The following ZNF236 variants were observed in gnomAD, a reference collection of about 807,000 sequenced individuals.
ZNF236 encodes regulated by glucose.
A neutral mutation model predicts 191.2 loss-of-function variants in ZNF236; 50 were observed. That is an observed-to-expected ratio of 0.26 (90% CI 0.21 to 0.33). ZNF236 has a LOEUF of 0.33. Among genes scored for constraint, ZNF236 ranks in the 10% least tolerant of loss-of-function variants. ZNF236 has a pLI of 1.00. For synonymous variants in ZNF236, 907 were observed against 928.8 expected (o/e 0.98, Z 0.43); for missense variants, 1,754 against 2,374.5 (o/e 0.74, Z 5.43).
At chr18:76,871,620 T>G in intron 4 of ZNF236, 81 bp from the exon 5 acceptor site, 1 of 1,578,342 alleles carries the variant, frequency 6.3e-7, no homozygotes, top group East Asian at 2.3e-5. Context: ...TCAGCCAAAT[T>G]TTCTGGTAGG....
intron 3 of ZNF236, among the ~76,000 whole-genome samples, chr18:76,861,047 A>G (rs1819873892): frequency 6.6e-6 from 1 of 152,340 alleles, no homozygotes; most frequent in African/African-American, 2.4e-5. Context: ...TGTCACATTC[A>G]GCCACCTGAA....
intron 1 of ZNF236, among the ~76,000 whole-genome samples, chr18:76,831,847 T>C (rs1229726453): frequency 6.6e-6 from 1 of 152,196 alleles, no homozygotes; most frequent in East Asian, 1.9e-4. Context: ...GTGTATCTTC[T>C]TTGGTGAAGG....
At chr18:76,888,578 A>G (rs547898244) in intron 9 of ZNF236, 6 of 152,386 alleles carry the variant, frequency 3.9e-5, no homozygotes, top group Admixed American at 3.3e-4. Context: ...AAGCAGAAAG[A>G]CTTTGTGTCA....
At chr18:76,826,942 G>A (rs911705419) in intron 1 of ZNF236, among the ~76,000 whole-genome samples, 8 of 152,004 alleles carry the variant, frequency 5.3e-5, no homozygotes, top group Non-Finnish European at 1.0e-4. Context: ...CGTTGCCCAG[G>A]CTGCAGTGCA....
intron 27 of ZNF236, among the ~76,000 whole-genome samples, chr18:76,948,194 C>G (rs1420115296): frequency 6.6e-6 from 1 of 152,130 alleles, no homozygotes; most frequent in East Asian, 1.9e-4. Flanking sequence ...TCTAAAATCT[C>G]TTTCCTTAAA....
intron 25 of ZNF236, among the ~76,000 whole-genome samples, 161 bp from the exon 26 acceptor site, chr18:76,936,995 C>T (rs977523336): frequency 8.5e-5 from 13 of 152,208 alleles, no homozygotes; most frequent in African/African-American, 3.1e-4. Flanking sequence ...AAAGCCTTAT[C>T]CTAAAATTAG....
chr18:76,928,045 C>A lies in ZNF236; in HGVS notation c.4533C>A (p.Ala1511=), dbSNP rs372831626. 1.2e-6 allele frequency: 2 copies of A among 1,613,726 alleles called. No homozygotes were observed. The highest frequency in any genetic ancestry group is 1.7e-6 in the Non-Finnish European group (2 of 1,179,840). Residue 1511 remains alanine (A), a synonymous_variant, in exon 25 of 31, where the codon GCC becomes GCA. Coordinates refer to ENST00000320610, the MANE Select transcript of ZNF236 (RefSeq NM_001306089.2). The part of the protein sequence containing the change: ...NSSLSQVLAQ[A]AGPTATSSSG... ...GCCTGAGCCAGGTCCTGGCACAGGC[C>A]GCTGGGCCCACTGCCACGTCTTCCT...
At chr18:76,924,715 C>T (rs1444718629) in intron 21 of ZNF236, among the ~76,000 whole-genome samples, 2 of 152,202 alleles carry the variant, frequency 1.3e-5, no homozygotes, top group African/African-American at 4.8e-5. Flanking sequence ...TAGAACTTTC[C>T]TTTGCATATT....
chr18:76,903,187 A>C (rs151139632), intron 11 of ZNF236, among the ~76,000 whole-genome samples: 20 of 152,246 alleles, frequency 1.3e-4, no homozygotes, highest in Non-Finnish European at 2.4e-4. Context: ...TGGGCTGTCA[A>C]ATTCCCTCCA....
chr18:76,966,103 C>T (rs1208541461), intron 30 of ZNF236, among the ~76,000 whole-genome samples: 1 of 152,148 alleles, frequency 6.6e-6, no homozygotes, highest in Non-Finnish European at 1.5e-5. Context: ...CAGGAGCAAT[C>T]CACTTCCTTC....
intron 1 of ZNF236, chr18:76,834,835 A>T: frequency 2.2e-6 from 1 of 463,094 alleles, no homozygotes; most frequent in Non-Finnish European, 4.3e-6. Context: ...GTGCATTGAA[A>T]TGCCTTTTGT....
At chr18:76,842,946 A>G (rs549866401) in intron 1 of ZNF236, among the ~76,000 whole-genome samples, 10 of 152,316 alleles carry the variant, frequency 6.6e-5, no homozygotes, top group Admixed American at 5.2e-4. Context: ...TTCTCAGTGC[A>G]GGTGCTTTTG....
At chr18:76,893,304 G>A (rs1398268454) in intron 9 of ZNF236, among the ~76,000 whole-genome samples, 1 of 152,042 alleles carries the variant, frequency 6.6e-6, no homozygotes, top group Non-Finnish European at 1.5e-5. Context: ...ATTTTTACCT[G>A]TTAATTTTAA....
In ZNF236 at chr18:76,970,239, A is replaced by G. The variant is rs1006453096; in HGVS notation, c.*1900A>G. 2.6e-5 allele frequency: 4 copies of G among 152,662 alleles called. No individual in the cohort carries two copies. Among genetic ancestry groups the G allele is most frequent in the African/African-American group, 9.6e-5 (4 of 41,456 alleles). 9.5% of individuals were successfully genotyped at this position (152,662 alleles called of 1,614,324 possible). On this transcript the variant is annotated 3_prime_UTR_variant, in exon 31 of 31. Coordinates refer to ENST00000320610, the MANE Select transcript of ZNF236 (RefSeq NM_001306089.2). ...CTGGGTTATTTATTTTGATTTTAGC[A>G]TTAAATGTCATCTCAGGACATCTCT... is the stretch of plus-strand genomic sequence containing the variant.
At chr18:76,947,373 G>A in intron 26 of ZNF236, 148 bp from the exon 27 acceptor site, 1 of 923,288 alleles carries the variant, frequency 1.1e-6, no homozygotes, top group South Asian at 1.7e-5. Flanking sequence ...CTTCTCTTGG[G>A]TTGCTGGGTT....
intron 3 of ZNF236, among the ~76,000 whole-genome samples, chr18:76,853,218 A>G (rs1483513449): frequency 6.6e-6 from 1 of 151,904 alleles, no homozygotes; most frequent in African/African-American, 2.4e-5. Context: ...AGCTGGGATT[A>G]CAGGTGCCTG....
At position 76,970,811 on chromosome 18, in the gene ZNF236, A is replaced by G. The variant is rs1968897934; in HGVS notation, c.*2472A>G. ...AATTTCAAGTTCAGATATTTTTAAGAGAAAACTTTAGTGGTATTTTCCTTT... is the reference window on the plus strand; with the variant it reads ...AATTTCAAGTTCAGATATTTTTAAGGGAAAACTTTAGTGGTATTTTCCTTT... On this transcript the variant is annotated 3_prime_UTR_variant, in exon 31 of 31. Coordinates refer to ENST00000320610, the MANE Select transcript of ZNF236 (RefSeq NM_001306089.2). 1 of 152,274 alleles carries G rather than the reference A, an allele frequency of 6.6e-6. No individual in the cohort carries two copies. Among genetic ancestry groups the G allele is most frequent in the Non-Finnish European group, 1.5e-5 (1 of 68,050 alleles). 9.4% of individuals were successfully genotyped at this position (152,274 alleles called of 1,614,324 possible).
chr18:76,916,086 G>C (rs984474019), intron 19 of ZNF236, among the ~76,000 whole-genome samples: 1 of 152,182 alleles, frequency 6.6e-6, no homozygotes, highest in Non-Finnish European at 1.5e-5. Context: ...ATCACCACGC[G>C]CTGAATTGGC....
intron 27 of ZNF236, among the ~76,000 whole-genome samples, chr18:76,952,905 G>T (rs1002138783): frequency 4.6e-5 from 7 of 152,178 alleles, no homozygotes; most frequent in African/African-American, 1.7e-4. Context: ...ATGTTCCCTG[G>T]CACAGAGCAC....
Sources: allele counts gnomAD v4.1 joint callset (sites outside exome capture counted in the v4.1 genomes callset), GRCh38; gene constraint gnomAD v4.1.1; transcripts MANE v1.5; gene names NCBI Gene and HGNC (gene_info 2026-07-23, HGNC 2026-07-21).